ADCY9: variants seen among roughly 807,000 people sequenced by gnomAD.
The protein encoded by ADCY9 is adenylate cyclase type 9.
In ADCY9, 50 loss-of-function variants were observed where a neutral mutation model predicts 101.5. That is an observed-to-expected ratio of 0.49 (90% confidence interval 0.39 to 0.62). The LOEUF (loss-of-function observed/expected upper bound fraction) is 0.62. Among genes scored for constraint, ADCY9 ranks in the 20% least tolerant of loss-of-function variants. ADCY9 has a pLI of 0.00. For missense variants in ADCY9, 1,662 were observed against 1,800.4 expected, an observed-to-expected ratio of 0.92 and a Z score of 1.39; for synonymous variants, 905 against 769.3, an observed-to-expected ratio of 1.18 and a Z score of -2.92.
At chr16:4,096,023 C>T (rs1029214449) in intron 2 of ADCY9, among the ~76,000 whole-genome samples, 7 of 149,938 alleles carry the variant, frequency 4.7e-5, no homozygotes, top group Admixed American at 2.0e-4. Context: ...TCTAACGATA[C>T]CCTGCTTTAT....
At chr16:4,086,533 A>T (rs2056939905) in intron 2 of ADCY9, among the ~76,000 whole-genome samples, 1 of 152,096 alleles carries the variant, frequency 6.6e-6, no homozygotes, top group African/African-American at 2.4e-5. Flanking sequence ...AGCCCAGAGA[A>T]AGTTGACACA....
At chr16:3,957,918 C>T (rs2055916132), downstream of ADCY9, among the ~76,000 whole-genome samples, 1 of 152,176 alleles carries the variant, frequency 6.6e-6, no homozygotes, top group Non-Finnish European at 1.5e-5. Context: ...TGGTCCCGTT[C>T]ATCTCCCTCT....
At chr16:4,002,727 C>T (rs2056339496) in intron 3 of ADCY9, among the ~76,000 whole-genome samples, 1 of 152,144 alleles carries the variant, frequency 6.6e-6, no homozygotes, top group African/African-American at 2.4e-5. Flanking sequence ...GTTTTCTTTT[C>T]TTTTCGAGAT....
chr16:4,020,063 G>A (rs1251067529), intron 2 of ADCY9, among the ~76,000 whole-genome samples: 1 of 134,624 alleles, frequency 7.4e-6, no homozygotes, highest in African/African-American at 2.6e-5. Context: ...GGGCAACACA[G>A]CAGACTCCAT....
intron 2 of ADCY9, among the ~76,000 whole-genome samples, chr16:4,019,248 C>T (rs1384019025): frequency 6.6e-6 from 1 of 152,138 alleles, no homozygotes; most frequent in Non-Finnish European, 1.5e-5. Context: ...TGCCAAAGTG[C>T]TGGAATTACA....
At chr16:4,089,267 T>C (rs1481292828) in intron 2 of ADCY9, among the ~76,000 whole-genome samples, 1 of 151,970 alleles carries the variant, frequency 6.6e-6, no homozygotes, top group African/African-American at 2.4e-5. Flanking sequence ...GATTTTGACA[T>C]GTTGCCCAGG....
chr16:4,059,559 G>C (rs1389284752), intron 2 of ADCY9, among the ~76,000 whole-genome samples: 1 of 152,020 alleles, frequency 6.6e-6, no homozygotes, highest in Non-Finnish European at 1.5e-5. Flanking sequence ...CACAGGGTTG[G>C]AAATCAACCA....
intron 5 of ADCY9, among the ~76,000 whole-genome samples, chr16:3,989,720 A>G (rs1018795057): frequency 2.0e-5 from 3 of 152,182 alleles, no homozygotes; most frequent in Non-Finnish European, 2.9e-5. Flanking sequence ...GGAGAAGATG[A>G]AGGCAGCTTT....
chr16:4,024,487 C>T (rs925396411), intron 2 of ADCY9, among the ~76,000 whole-genome samples: 5 of 152,152 alleles, frequency 3.3e-5, no homozygotes, highest in South Asian at 4.1e-4. Flanking sequence ...ATTAACTAGA[C>T]GATGAACTTG....
chr16:3,954,494 T>G (rs1379426491), intron 5 of ADCY9, among the ~76,000 whole-genome samples: 1 of 152,046 alleles, frequency 6.6e-6, no homozygotes, highest in Non-Finnish European at 1.5e-5. Context: ...AGCTGCCTGG[T>G]GCTGAAACCA....
intron 7 of ADCY9, among the ~76,000 whole-genome samples, chr16:3,981,539 G>A (rs1428830593): frequency 6.6e-6 from 1 of 150,930 alleles, no homozygotes; most frequent in Non-Finnish European, 1.5e-5. Context: ...AAATCACTGA[G>A]TTGTCCACTT....
chr16:3,987,610 G>A (rs1439115221), intron 6 of ADCY9, among the ~76,000 whole-genome samples: 1 of 152,218 alleles, frequency 6.6e-6, no homozygotes, highest in Non-Finnish European at 1.5e-5. Context: ...TCCACTCCGG[G>A]AGCCATGTCT....
At chr16:4,051,449 G>A (rs879541681) in intron 2 of ADCY9, among the ~76,000 whole-genome samples, 27 of 151,864 alleles carry the variant, frequency 1.8e-4, no homozygotes, top group Non-Finnish European at 2.2e-4. Context: ...GCGTGAACCC[G>A]GGAGGCGGAG....
At chr16:3,980,276 GACACAA>G (rs2056129934) in intron 7 of ADCY9, among the ~76,000 whole-genome samples, 1 of 151,984 alleles carries the variant, frequency 6.6e-6, no homozygotes, top group Non-Finnish European at 1.5e-5. Context: ...GTGTGATGTT[GACACAA>G]TAAAAGTTTC....
rs1169729738 is a variant in ADCY9 at position 4,105,696 on chromosome 16, A to AT, written c.1693+8053_1693+8054insA. ...CCGTCTCAAAAAAAAAAAAAAAAAA[A>AT]AATTAGTTGGATGTGGTGGCATGCG... On this transcript the variant is annotated intron_variant, in intron 2 of 10. Transcript: ENST00000294016. Among the ~76,000 whole-genome samples, 835 of 151,546 alleles carry AT rather than the reference A, an allele frequency of 5.5e-3. 11 individuals are homozygous for AT. Among genetic ancestry groups the AT allele is most frequent in the African/African-American group, 0.019 (784 of 41,202 alleles).
intron 2 of ADCY9, among the ~76,000 whole-genome samples, chr16:4,023,030 C>T (rs1179328203): frequency 6.6e-6 from 1 of 152,186 alleles, no homozygotes; most frequent in Non-Finnish European, 1.5e-5. Flanking sequence ...AATCACATCT[C>T]TACAACGGTG....
Position 3,974,815 on chromosome 16 carries a change from GTTGTACATCCAC to G in ADCY9, c.2829-117_2829-106del, listed in dbSNP as rs1235538936. 3.3e-6 allele frequency: 3 copies of G among 909,286 alleles called. No homozygotes were observed. The African/African-American group carries it at 5.0e-5, about 15-fold the overall frequency. The allele number at this position is 909,286 out of a possible 1,614,324, so 56.3% of individuals were successfully genotyped here. On this transcript the variant is annotated intron_variant, in intron 9 of 10. Coordinates refer to ENST00000294016, the MANE Select transcript of ADCY9 (RefSeq NM_001116.4). Reference sequence around the variant, plus strand: ...AAACTATGTTCCTTTTTTAGACGTGGTTGTACATCCACATAAAGCCACCTGCTCCCACCTCTT... The same window carrying G: ...AAACTATGTTCCTTTTTTAGACGTGGATAAAGCCACCTGCTCCCACCTCTT...
rs187108089 is a variant in ADCY9, at chr16:4,063,350, T to C, written c.1693+50400A>G. ...TTAGGATGCAGCTATGAGAAGTACT[T>C]AGGGAGAAATTTATAATGTTAAAAG... On this transcript the variant is annotated intron_variant, in intron 2 of 10. Transcript: ENST00000294016. Among the ~76,000 whole-genome samples, 163 of 151,654 alleles carry C rather than the reference T, an allele frequency of 1.1e-3. 1 individual carries two copies. Among genetic ancestry groups the C allele is most frequent in the South Asian group, 4.4e-3 (21 of 4,800 alleles).
intron 2 of ADCY9, among the ~76,000 whole-genome samples, chr16:4,097,553 A>ATATATATATTTTTTTTT (rs1382458827): frequency 1.9e-5 from 1 of 53,416 alleles, no homozygotes; most frequent in Non-Finnish European, 3.0e-5. Context: ...ATATATATAT[A>ATATATATATTTTTTTTT]TTTTTTTTTT....
Sources: allele counts gnomAD v4.1 joint callset (sites outside exome capture counted in the v4.1 genomes callset), GRCh38; gene constraint gnomAD v4.1.1; transcripts MANE v1.5; gene names NCBI Gene and HGNC (gene_info 2026-07-23, HGNC 2026-07-21).